HIBADH: variants seen among roughly 807,000 people sequenced by gnomAD.
HIBADH encodes the protein 3-hydroxyisobutyrate dehydrogenase, mitochondrial.
In HIBADH, 25 loss-of-function variants were observed where a neutral mutation model predicts 36.1. The observed-to-expected ratio is 0.69, with a 90% CI of 0.50 to 0.97. The LOEUF (loss-of-function observed/expected upper bound fraction) is 0.97, where lower values mean the gene tolerates loss of function less well. Among genes scored for constraint, HIBADH ranks in the 50% least tolerant of loss-of-function variants. HIBADH has a pLI of 0.00. For synonymous variants in HIBADH, 160 were observed against 149.5 expected (o/e 1.07, Z -0.51); for missense variants, 421 against 418.0 (o/e 1.01, Z -0.06).
At chr7:27,607,160 T>G (rs569007562) in intron 4 of HIBADH, among the ~76,000 whole-genome samples, 39 of 152,290 alleles carry the variant, frequency 2.6e-4, no homozygotes, top group Admixed American at 3.9e-4. Flanking sequence ...AATGTAAAAG[T>G]TCAGTCCAAT....
chr7:27,617,223 ATACT>A (rs1028770570), intron 4 of HIBADH, among the ~76,000 whole-genome samples: 2 of 152,206 alleles, frequency 1.3e-5, no homozygotes, highest in African/African-American at 4.8e-5. Flanking sequence ...AGAAACACAA[ATACT>A]TACCATTGTG....
At chr7:27,594,397 C>T (rs1784995607) in intron 4 of HIBADH, among the ~76,000 whole-genome samples, 1 of 152,092 alleles carries the variant, frequency 6.6e-6, no homozygotes, top group South Asian at 2.1e-4. Flanking sequence ...CCCGCCTTGG[C>T]CTCCCAAAGT....
In HIBADH at chr7:27,526,104, A is replaced by T. The variant is rs994619655; in HGVS notation, c.*110T>A. The T allele has an allele frequency of 5.6e-6, 5 of 893,068 alleles. No individual in the cohort carries two copies. Among genetic ancestry groups the T allele is most frequent in the Non-Finnish European group, 6.3e-6 (4 of 633,822 alleles). 55.3% of individuals were successfully genotyped at this position (893,068 alleles called of 1,614,324 possible). On this transcript the variant is annotated 3_prime_UTR_variant, in exon 8 of 8. Coordinates refer to ENST00000265395, the MANE Select transcript of HIBADH (RefSeq NM_152740.4). ...AGGGATTACTGTGACCTAGACAATC[A>T]AAAGCAGATAGGTGACCTTTGATTA...
At chr7:27,557,084 G>A (rs913052287) in intron 4 of HIBADH, among the ~76,000 whole-genome samples, 5 of 151,022 alleles carry the variant, frequency 3.3e-5, no homozygotes, top group African/African-American at 1.2e-4. Flanking sequence ...AGGCTATAGC[G>A]AGGCATGTTC....
At chr7:27,649,321 G>T in intron 2 of HIBADH, 152 bp downstream of exon 2, 1 of 532,514 alleles carries the variant, frequency 1.9e-6, no homozygotes, top group Non-Finnish European at 3.1e-6. Context: ...TGCAAATCTG[G>T]ATGTTGGATG....
intron 4 of HIBADH, among the ~76,000 whole-genome samples, chr7:27,575,872 C>T (rs1784701249): frequency 6.6e-6 from 1 of 152,240 alleles, no homozygotes; most frequent in Non-Finnish European, 1.5e-5. Flanking sequence ...AGACAGCCAT[C>T]TGCTCGCAGC....
At chr7:27,636,943 C>T (rs1785851157) in intron 2 of HIBADH, among the ~76,000 whole-genome samples, 1 of 152,182 alleles carries the variant, frequency 6.6e-6, no homozygotes, top group Admixed American at 6.5e-5. Context: ...AATATGTCTA[C>T]ATATCACTTC....
At chr7:27,618,929 G>A (rs1485195439) in intron 4 of HIBADH, among the ~76,000 whole-genome samples, 4 of 152,198 alleles carry the variant, frequency 2.6e-5, no homozygotes, top group African/African-American at 9.7e-5. Context: ...CAAGGGGATG[G>A]TGTTAAACTT....
At chr7:27,653,113 A>C (rs1786227681) in intron 1 of HIBADH, among the ~76,000 whole-genome samples, 1 of 151,810 alleles carries the variant, frequency 6.6e-6, no homozygotes, top group Non-Finnish European at 1.5e-5. Flanking sequence ...TGGGTGACAG[A>C]GCGAGACTCC....
At chr7:27,530,065 G>C (rs1393055292) in intron 7 of HIBADH, among the ~76,000 whole-genome samples, 29 of 152,182 alleles carry the variant, frequency 1.9e-4, no homozygotes, top group Non-Finnish European at 2.9e-5. Context: ...ACACTTAATA[G>C]ACTATGGCAT....
chr7:27,577,873 G>T (rs191665851), intron 4 of HIBADH, among the ~76,000 whole-genome samples: 34 of 152,146 alleles, frequency 2.2e-4, no homozygotes, highest in Non-Finnish European at 3.7e-4. Context: ...TTTCTGTAAT[G>T]ATTTAATATA....
At chr7:27,641,638 T>C (rs191404755) in intron 2 of HIBADH, among the ~76,000 whole-genome samples, 3 of 152,346 alleles carry the variant, frequency 2.0e-5, no homozygotes, top group East Asian at 3.9e-4. Flanking sequence ...AATGTTGACA[T>C]TTTAATATAT....
chr7:27,637,698 T>C (rs1785865275), intron 2 of HIBADH, among the ~76,000 whole-genome samples: 1 of 152,084 alleles, frequency 6.6e-6, no homozygotes, highest in Non-Finnish European at 1.5e-5. Context: ...CCCCATAGTC[T>C]CAGCCCAAAT....
chr7:27,541,959 AT>A (rs1179449299), intron 5 of HIBADH, among the ~76,000 whole-genome samples: 1 of 152,164 alleles, frequency 6.6e-6, no homozygotes, highest in Non-Finnish European at 1.5e-5. Context: ...ACTAGAGTTA[AT>A]TTTATGCCAT....
intron 3 of HIBADH, among the ~76,000 whole-genome samples, chr7:27,631,863 T>C (rs1168738171): frequency 2.0e-5 from 3 of 152,236 alleles, no homozygotes; most frequent in Non-Finnish European, 4.4e-5. Flanking sequence ...TGCTAACCTT[T>C]AATTCCAACT....
chr7:27,536,318 G>A (rs1784069374), intron 6 of HIBADH, among the ~76,000 whole-genome samples: 1 of 151,996 alleles, frequency 6.6e-6, no homozygotes, highest in South Asian at 2.1e-4. Context: ...TGAAACACTA[G>A]AAACTTATAA....
chr7:27,602,112 C>G (rs1785140178), intron 4 of HIBADH, among the ~76,000 whole-genome samples: 1 of 151,124 alleles, frequency 6.6e-6, no homozygotes, highest in South Asian at 2.1e-4. Flanking sequence ...CTAAATCAGG[C>G]TAATTCTTAA....
intron 4 of HIBADH, among the ~76,000 whole-genome samples, chr7:27,607,593 T>A (rs563544186): frequency 1.3e-5 from 2 of 152,282 alleles, no homozygotes; most frequent in East Asian, 3.9e-4. Flanking sequence ...TTTCTCAAAA[T>A]TATCATTTAT....
chr7:27,650,604 T>C lies in HIBADH; in HGVS notation c.92-971A>G, dbSNP rs989572338. On this transcript the variant is annotated intron_variant, in intron 1 of 7. Coordinates refer to ENST00000265395, the MANE Select transcript of HIBADH (RefSeq NM_152740.4). ...GCCTATTGGGTTCAAGCAATTCTCA[T>C]GCCTTAGCCTCCGGTGTAGCTGGGA... Among the ~76,000 whole-genome samples, 4 of 151,368 alleles carry C rather than the reference T, an allele frequency of 2.6e-5. No homozygotes were observed. In the South Asian group the frequency reaches 6.3e-4, roughly 24 times the overall value.
Sources: allele counts gnomAD v4.1 joint callset (sites outside exome capture counted in the v4.1 genomes callset), GRCh38; gene constraint gnomAD v4.1.1; transcripts MANE v1.5; gene names NCBI Gene and HGNC (gene_info 2026-07-23, HGNC 2026-07-21).